CD99: variants seen among roughly 807,000 people sequenced by gnomAD.
The protein encoded by CD99 is CD99 antigen.
A neutral mutation model predicts 28.4 loss-of-function variants in CD99; 19 were observed. The ratio of observed to expected loss-of-function variants is 0.67; its 90% CI spans 0.47 to 0.98. The LOEUF (loss-of-function observed/expected upper bound fraction) is 0.98. CD99 is among the 50% of genes least tolerant of loss of function. The probability of loss-of-function intolerance (pLI) is 0.00; values close to 1 mark genes in which losing one functional copy is unlikely to be tolerated. For synonymous variants in CD99, 103 were observed against 92.1 expected (o/e 1.12, Z -0.67); for missense variants, 283 against 248.8 (o/e 1.14, Z -0.92).
intron 8 of CD99, among the ~76,000 whole-genome samples, chrX:2,730,947 AAG>A (rs1736076019): frequency 1.3e-5 from 2 of 148,176 alleles, no homozygotes; most frequent in Non-Finnish European, 1.5e-5. Flanking sequence ...AAAAAAAAAA[AAG>A]AGAAAGAAAA....
chrX:2,691,737 T>A (rs1429714229), intron 1 of CD99: 3 of 726,136 alleles, frequency 4.1e-6, no homozygotes, highest in Non-Finnish European at 7.6e-6. Context: ...TTCTTACAGA[T>A]CTCTCTCCCT....
intron 1 of CD99, among the ~76,000 whole-genome samples, chrX:2,703,589 A>G (rs2047972355): frequency 6.8e-6 from 1 of 146,974 alleles, no homozygotes; most frequent in African/African-American, 2.5e-5. Context: ...GCTGTAATTA[A>G]CAAACCGAGC....
intron 8 of CD99, among the ~76,000 whole-genome samples, chrX:2,736,004 C>A (rs757402795): frequency 2.0e-5 from 3 of 151,896 alleles, no homozygotes; most frequent in East Asian, 3.9e-4. Context: ...AGATCGAGAC[C>A]ATCCTGGCTA....
intron 8 of CD99, among the ~76,000 whole-genome samples, chrX:2,727,876 G>T (rs1320101823): frequency 6.6e-6 from 1 of 152,088 alleles, no homozygotes; most frequent in Non-Finnish European, 1.5e-5. Flanking sequence ...TTCATTCTTG[G>T]TCACTGATGT....
chrX:2,717,966 C>A, intron 3 of CD99: 1 of 269,714 alleles, frequency 3.7e-6, no homozygotes, highest in Non-Finnish European at 6.3e-6. Context: ...TTTGAGATGG[C>A]GTTTCATTCT....
intron 8 of CD99, among the ~76,000 whole-genome samples, chrX:2,730,385 G>T (rs1251141965): frequency 6.6e-6 from 1 of 152,006 alleles, no homozygotes; most frequent in Non-Finnish European, 1.5e-5. Context: ...TGTTAGCCAG[G>T]ATGGTCTTGA....
chrX:2,708,260 A>C, intron 1 of CD99, among the ~76,000 whole-genome samples: 1 of 152,250 alleles, frequency 6.6e-6, no homozygotes, highest in Non-Finnish European at 1.5e-5. Context: ...TCCACCAGGG[A>C]GTGAACGTCT....
chrX:2,732,522 C>G (rs1282000801), intron 8 of CD99, among the ~76,000 whole-genome samples: 1 of 149,812 alleles, frequency 6.7e-6, no homozygotes, highest in Admixed American at 6.7e-5. Flanking sequence ...TTCTCTCTTC[C>G]TTCCCTGCTT....
At chrX:2,717,937 C>CT (rs527447220) in intron 3 of CD99, 3,303 of 164,424 alleles carry the variant, frequency 0.02, 43 homozygotes, top group African/African-American at 0.054. Context: ...ATTTTCTTCC[C>CT]TTTTTTTTTT....
At chrX:2,691,839 C>T (rs1437015192) in intron 1 of CD99, 10 of 777,714 alleles carry the variant, frequency 1.3e-5, no homozygotes, top group Non-Finnish European at 2.4e-5. Context: ...CCTGGAGTTG[C>T]CTGTCACAGC....
intron 8 of CD99, among the ~76,000 whole-genome samples, chrX:2,736,294 GC>G (rs2049936673): frequency 6.6e-6 from 1 of 152,052 alleles, no homozygotes; most frequent in African/African-American, 2.4e-5. Context: ...CACAGATGGG[GC>G]CGTTTTACAA....
intron 8 of CD99, among the ~76,000 whole-genome samples, chrX:2,730,453 T>C (rs1471015977): frequency 6.6e-6 from 1 of 152,164 alleles, no homozygotes; most frequent in Non-Finnish European, 1.5e-5. Context: ...ATTACAGGCA[T>C]GAGCCACCGT....
chrX:2,715,105 GC>G (rs1341100490), intron 2 of CD99: 1 of 152,304 alleles, frequency 6.6e-6, no homozygotes, highest in African/African-American at 2.4e-5. Context: ...TCTCCATGGG[GC>G]CACTCCTTCC....
intron 1 of CD99, among the ~76,000 whole-genome samples, chrX:2,707,057 C>T (rs1308534566): frequency 7.2e-5 from 11 of 152,122 alleles, no homozygotes; most frequent in African/African-American, 2.4e-4. Context: ...TGTTCGGGCG[C>T]GGCGGCTCAC....
chrX:2,713,564 T>C (rs2048545195), intron 1 of CD99, among the ~76,000 whole-genome samples: 1 of 152,194 alleles, frequency 6.6e-6, no homozygotes, highest in Admixed American at 6.5e-5. Context: ...CCCTGTGACA[T>C]ATGCATGCAC....
intron 8 of CD99, among the ~76,000 whole-genome samples, chrX:2,734,228 T>C (rs1401856532): frequency 1.3e-5 from 2 of 152,036 alleles, no homozygotes; most frequent in African/African-American, 4.8e-5. Flanking sequence ...CATTTTTTTC[T>C]TATTTCTTTT....
At chrX:2,703,032 A>G (rs953674229) in intron 1 of CD99, among the ~76,000 whole-genome samples, 2 of 151,812 alleles carry the variant, frequency 1.3e-5, no homozygotes, top group Non-Finnish European at 2.9e-5. Context: ...CAAGTGATTC[A>G]CCCGCCTGGG....
intron 9 of CD99, among the ~76,000 whole-genome samples, chrX:2,739,698 C>A (rs2050109750): frequency 6.7e-6 from 1 of 150,116 alleles, no homozygotes; most frequent in African/African-American, 2.4e-5. Flanking sequence ...AAGTGATCTG[C>A]CCACCTTGGC....
At chrX:2,696,159 A>T (rs781584660) in intron 1 of CD99, among the ~76,000 whole-genome samples, 1 of 152,316 alleles carries the variant, frequency 6.6e-6, no homozygotes, top group South Asian at 2.1e-4. Flanking sequence ...AAGGACTTTG[A>T]GTCTTCAGGG....
Sources: gnomAD v4.1 joint callset for allele counts (sites outside exome capture counted in the v4.1 genomes callset) on GRCh38, gnomAD v4.1.1 for gene constraint, MANE v1.5 for transcripts, NCBI Gene and HGNC (gene_info 2026-07-23, HGNC 2026-07-21) for gene names.